Variants in TMEM87B observed in about 807,000 individuals in gnomAD.
The protein encoded by TMEM87B is transmembrane protein 87B.
TMEM87B carries 83 observed loss-of-function variants against 80.3 expected under a neutral mutation model. That is an observed-to-expected ratio of 1.03 (90% CI 0.87 to 1.24). The LOEUF (loss-of-function observed/expected upper bound fraction) is 1.24, where lower values mean the gene tolerates loss of function less well. Among genes scored for constraint, TMEM87B ranks in the 50% most tolerant of loss-of-function variants. The pLI, the probability that TMEM87B is intolerant of heterozygous loss-of-function variation, is 0.00. For synonymous variants in TMEM87B, 219 were observed against 230.5 expected (o/e 0.95, Z 0.45); for missense variants, 625 against 674.4 (o/e 0.93, Z 0.81).
At chr2:112,081,994 A>G (rs919521367) in intron 8 of TMEM87B, among the ~76,000 whole-genome samples, 1 of 152,204 alleles carries the variant, frequency 6.6e-6, no homozygotes, top group African/African-American at 2.4e-5. Flanking sequence ...CTTTACTCCC[A>G]CAAAGATCTT....
chr2:112,100,972 T>A (rs935940929), intron 15 of TMEM87B, among the ~76,000 whole-genome samples: 1 of 152,208 alleles, frequency 6.6e-6, no homozygotes, highest in African/African-American at 2.4e-5. Flanking sequence ...TGTGCTTAGC[T>A]GCTAAATAAT....
Position 112,074,928 on chromosome 2 carries a change from A to C in TMEM87B, c.467A>C (p.Asn156Thr). Reference sequence around the variant, plus strand: ...TTTTTCCAGAATAAAGAACTAATAAATATCAGAAATGTTTCAAACCAGGAA... The same window carrying C: ...TTTTTCCAGAATAAAGAACTAATAACTATCAGAAATGTTTCAAACCAGGAA... ...FPSLNNKELI[N>T]IRNVSNQERS... The change falls in exon 5 of 19, where the codon AAT (asparagine) becomes ACT (threonine). Residue 156 changes from asparagine to threonine, a missense_variant. Physicochemically the swap from Asn to Thr is moderately conservative, Grantham distance 65 (BLOSUM62 0). Coordinates refer to ENST00000283206, the MANE Select transcript of TMEM87B (RefSeq NM_032824.3). 1 of 1,579,954 alleles carries C rather than the reference A, an allele frequency of 6.3e-7. No homozygotes were observed. The highest frequency in any genetic ancestry group is 1.1e-5 in the South Asian group (1 of 88,210).
At chr2:112,073,602 G>T (rs1394139234) in intron 4 of TMEM87B, among the ~76,000 whole-genome samples, 1 of 152,190 alleles carries the variant, frequency 6.6e-6, no homozygotes, top group Non-Finnish European at 1.5e-5. Context: ...TTCTGTAGAT[G>T]TCTATCAGCT....
chr2:112,062,166 A>G (rs1038456663), intron 2 of TMEM87B, among the ~76,000 whole-genome samples: 1 of 152,214 alleles, frequency 6.6e-6, no homozygotes, highest in Non-Finnish European at 1.5e-5. Context: ...GGAAAGGGTG[A>G]GATGAGAATC....
chr2:112,081,396 C>G lies in TMEM87B; in HGVS notation c.716C>G (p.Ala239Gly), dbSNP rs1247472937. The change falls in exon 8 of 19, where the codon GCC becomes GGC. Residue 239 changes from alanine to glycine, a missense_variant. Coordinates refer to ENST00000283206, the MANE Select transcript of TMEM87B (RefSeq NM_032824.3). The stretch of plus-strand genomic sequence containing the variant: ...GGCATACTCTGGCTGACGTGGTCTG[C>G]CTGTTATTGGAAAGATATATTAAGA... The part of the protein sequence containing the change: ...LYGILWLTWS[A>G]CYWKDILRIQ... The G allele has an allele frequency of 6.2e-7, 1 of 1,613,744 alleles. No individual in the cohort carries two copies. Among genetic ancestry groups the G allele is most frequent in the Non-Finnish European group, 8.5e-7 (1 of 1,179,876 alleles).
At position 112,077,213 on chromosome 2, in the gene TMEM87B, A is replaced by C. The variant is rs748166533; in HGVS notation, c.523A>C (p.Lys175Gln). 6.3e-7 allele frequency: 1 copy of C among 1,590,940 alleles called. No homozygotes were observed. The highest frequency in any genetic ancestry group is 1.2e-5 in the South Asian group (1 of 85,686). The change falls in exon 6 of 19, where the codon AAA (lysine) becomes CAA (glutamine). Residue 175 changes from lysine (K) to glutamine (Q), a missense_variant. Physicochemically the swap from Lys to Gln is moderately conservative, Grantham distance 53 (BLOSUM62 1). Transcript: ENST00000283206. ...TCAGGATGTTGTAGCCAGAACACAA[A>C]AAGATGGGTTTCATATCTTTATTGT... Reference protein sequence around the residue: ...RSMDVVARTQKDGFHIFIVSI... With the variant: ...RSMDVVARTQQDGFHIFIVSI...
chr2:112,118,601 A>T lies in TMEM87B; in HGVS notation c.*2458A>T, dbSNP rs1680083566. On this transcript the variant is annotated 3_prime_UTR_variant, in exon 19 of 19. Coordinates refer to ENST00000283206, the MANE Select transcript of TMEM87B (RefSeq NM_032824.3). ...GATAGCAATTAATTTTATTGTAAAA[A>T]TAAGGAAAAATATGTGAATATGTGA... 6.6e-6 allele frequency: 1 copy of T among 152,194 alleles called. No homozygotes were observed. Among genetic ancestry groups the T allele is most frequent in the Non-Finnish European group, 1.5e-5 (1 of 68,020 alleles). 9.4% of individuals were successfully genotyped at this position (152,194 alleles called of 1,614,324 possible). A position where few individuals can be genotyped will look rare whatever the true frequency, so the allele number is the denominator to read the frequency against.
At position 112,074,183 on chromosome 2, in the gene TMEM87B, TAA is replaced by T. The variant is rs1297454345; in HGVS notation, c.451-728_451-727del. 2.0e-5 allele frequency among the ~76,000 whole-genome samples: 3 copies of T among 152,332 alleles called. No individual in the cohort carries two copies. The South Asian group carries it at 6.2e-4, about 32-fold the overall frequency. Reference sequence around the variant, plus strand: ...TCCTAGTGTCACTGGTTTGTATACTTAAGTGTGTTTTTTTAGTGGCTGGTAAT... The same window carrying T: ...TCCTAGTGTCACTGGTTTGTATACTTGTGTGTTTTTTTAGTGGCTGGTAAT... On this transcript the variant is annotated intron_variant, in intron 4 of 18. Coordinates refer to ENST00000283206, the MANE Select transcript of TMEM87B (RefSeq NM_032824.3).
intron 17 of TMEM87B, among the ~76,000 whole-genome samples, chr2:112,111,468 ACTT>A (rs1679914588): frequency 6.6e-6 from 1 of 152,176 alleles, no homozygotes. Context: ...AGAAGACTGA[ACTT>A]CTTATTTGAT....
chr2:112,066,224 C>T (rs1390734498), intron 3 of TMEM87B, among the ~76,000 whole-genome samples: 1 of 152,212 alleles, frequency 6.6e-6, no homozygotes, highest in Non-Finnish European at 1.5e-5. Flanking sequence ...TCCATACTTT[C>T]TTCTTCCTTT....
rs1220229055 is a variant in TMEM87B, at chr2:112,055,564, G to A, written c.-28G>A. ...AGGTGCGGGTGTGGCAGGCGTCTCG[G>A]AGCGCCAGGTGCAGCTTCCTGGTCA... On this transcript the variant is annotated 5_prime_UTR_variant, in exon 1 of 19. Transcript: ENST00000283206. 4.8e-6 allele frequency: 7 copies of A among 1,470,644 alleles called. No homozygotes were observed. The highest frequency in any genetic ancestry group is 6.3e-6 in the Non-Finnish European group (7 of 1,114,636). 91.1% of individuals were successfully genotyped at this position (1,470,644 alleles called of 1,614,324 possible).
chr2:112,073,718 G>A (rs1022344755), intron 4 of TMEM87B, among the ~76,000 whole-genome samples: 1 of 152,158 alleles, frequency 6.6e-6, no homozygotes, highest in Non-Finnish European at 1.5e-5. Context: ...CTATTATTGT[G>A]TGGGAGTCTA....
chr2:112,062,531 A>C (rs902919308), intron 2 of TMEM87B, among the ~76,000 whole-genome samples: 62 of 152,240 alleles, frequency 4.1e-4, no homozygotes, highest in Non-Finnish European at 7.2e-4. Context: ...TCATACTGTC[A>C]GTTCTTCCCA....
At chr2:112,085,290 T>C (rs1679109529) in intron 8 of TMEM87B, among the ~76,000 whole-genome samples, 1 of 152,232 alleles carries the variant, frequency 6.6e-6, no homozygotes, top group Non-Finnish European at 1.5e-5. Flanking sequence ...TGCAGCATAG[T>C]TTGCTTTTCC....
intron 17 of TMEM87B, among the ~76,000 whole-genome samples, chr2:112,110,139 G>A (rs1359815568): frequency 6.6e-6 from 1 of 152,034 alleles, no homozygotes; most frequent in Non-Finnish European, 1.5e-5. Context: ...GACCTTTTCT[G>A]TCCAGCTTTA....
At chr2:112,056,650 A>G (rs1173416194) in intron 1 of TMEM87B, among the ~76,000 whole-genome samples, 1 of 152,194 alleles carries the variant, frequency 6.6e-6, no homozygotes, top group Non-Finnish European at 1.5e-5. Context: ...GGTTCTAAAG[A>G]TGAGACTTAT....
intron 13 of TMEM87B, among the ~76,000 whole-genome samples, chr2:112,098,280 A>G (rs911350010): frequency 6.6e-6 from 1 of 152,218 alleles, no homozygotes; most frequent in African/African-American, 2.4e-5. Context: ...AGACAATTTA[A>G]TAAAAGAAGA....
chr2:112,098,710 A>G lies in TMEM87B; in HGVS notation c.1376+12A>G, dbSNP rs938685118. 2 of 1,612,052 alleles carry G rather than the reference A, an allele frequency of 1.2e-6. No individual in the cohort carries two copies. The highest frequency in any genetic ancestry group is 1.7e-6 in the Non-Finnish European group (2 of 1,178,206). On this transcript the variant is annotated intron_variant, in intron 14 of 18. Transcript: ENST00000283206. The stretch of plus-strand genomic sequence containing the variant: ...GCAAACAATCAGAGGTACCTAACAT[A>G]GGAAATTTCAAGTCGTCAAGGATTT...
chr2:112,055,905 A>AAAAGCTGTTACAAAAGCG, intron 1 of TMEM87B, 149 bp downstream of exon 1: 2 of 1,134,298 alleles, frequency 1.8e-6, no homozygotes, highest in Non-Finnish European at 2.3e-6. Context: ...TGTCTGTTAC[A>AAAAGCTGTTACAAAAGCG]GCCGGGGAGC....
Sources: allele counts gnomAD v4.1 joint callset (sites outside exome capture counted in the v4.1 genomes callset), GRCh38; gene constraint gnomAD v4.1.1; transcripts MANE v1.5; gene names NCBI Gene and HGNC (gene_info 2026-07-23, HGNC 2026-07-21).